Variants in BIRC6 observed in about 807,000 individuals in gnomAD.
BIRC6 encodes the protein dual E2 ubiquitin-conjugating enzyme/E3 ubiquitin-protein ligase BIRC6.
In BIRC6, 98 loss-of-function variants were observed where a neutral mutation model predicts 503.3. That is an observed-to-expected ratio of 0.19 (90% CI 0.17 to 0.23). BIRC6 has a LOEUF of 0.23. Among genes scored for constraint, BIRC6 ranks in the 10% least tolerant of loss-of-function variants. The pLI is 1.00. For synonymous variants in BIRC6, 2,240 were observed against 2,078.7 expected, an observed-to-expected ratio of 1.08 and a Z score of -2.11; for missense variants, 5,360 against 5,806.0, an observed-to-expected ratio of 0.92 and a Z score of 2.50.
chr2:32,499,416 T>G (rs1384743215), intron 45 of BIRC6, 131 bp from the exon 46 acceptor site: 2 of 780,120 alleles, frequency 2.6e-6, no homozygotes, highest in African/African-American at 1.7e-5. Flanking sequence ...ATCAAGAATT[T>G]GTTTAACTTT....
At chr2:32,611,108 C>CTTTTTTTTTTTTTTTTTTTTTTT (rs1245765148) in intron 72 of BIRC6, among the ~76,000 whole-genome samples, 15 of 126,168 alleles carry the variant, frequency 1.2e-4, no homozygotes, top group Admixed American at 7.5e-4. Flanking sequence ...ATTAAATTGC[C>CTTTTTTTTTTTTTTTTTTTTTTT]TTTTTTTTTT....
At chr2:32,365,730 T>A (rs2034829180) in intron 1 of BIRC6, among the ~76,000 whole-genome samples, 1 of 152,114 alleles carries the variant, frequency 6.6e-6, no homozygotes, top group Admixed American at 6.6e-5. Context: ...TTCCCATATT[T>A]TAAAGTACAA....
At chr2:32,465,917 C>G (rs532236745) in intron 26 of BIRC6, among the ~76,000 whole-genome samples, 1 of 149,602 alleles carries the variant, frequency 6.7e-6, no homozygotes, top group East Asian at 2.0e-4. Flanking sequence ...TATTTTCTGC[C>G]CAACTAATCA....
chr2:32,470,438 G>T lies in BIRC6; in HGVS notation c.6481+137G>T, dbSNP rs946369413. ...TTTTATGATGTAAGCTTTTAAGAATGAGCAACCCTCATGTGATTGACTGCC... is the reference window on the plus strand; with the variant it reads ...TTTTATGATGTAAGCTTTTAAGAATTAGCAACCCTCATGTGATTGACTGCC... On this transcript the variant is annotated intron_variant, in intron 31 of 73. Coordinates refer to ENST00000421745, the MANE Select transcript of BIRC6 (RefSeq NM_016252.4). 1.5e-5 allele frequency: 13 copies of T among 854,112 alleles called. No homozygotes were observed. The Admixed American group carries it at 3.4e-4, about 22-fold the overall frequency. The allele number at this position is 854,112 out of a possible 1,614,324, so 52.9% of individuals were successfully genotyped here. A position where few individuals can be genotyped will look rare whatever the true frequency, so the allele number is the denominator to read the frequency against.
rs763281926 is a variant in BIRC6 at position 32,464,571 on chromosome 2, A to T, written c.5004A>T (p.Ala1668=). 2.7e-5 allele frequency: 44 copies of T among 1,609,892 alleles called. No homozygotes were observed. In the Middle Eastern group the frequency reaches 8.3e-4, roughly 30 times the overall value. ...CTGCAGCAGCTGCAGCAGCATCAGC[A>T]GTAGGTCCTGTTCACAACTCTGTGC... ...TTAAAAAAAS[A]VGPVHNSVPS... is the part of the protein sequence containing the mutation. Residue 1668 remains alanine (A), a synonymous_variant, in exon 25 of 74, where the codon GCA becomes GCT. Coordinates refer to ENST00000421745, the MANE Select transcript of BIRC6 (RefSeq NM_016252.4).
At position 32,558,253 on chromosome 2, in the gene BIRC6, T is replaced by A. The variant is rs745444226; in HGVS notation, c.13144+8772T>A. On this transcript the variant is annotated intron_variant, in intron 65 of 73. Coordinates refer to ENST00000421745, the MANE Select transcript of BIRC6 (RefSeq NM_016252.4). ...GCCATTTACGTATTCTGTATTTACT[T>A]AGATACTTAAAAATTTTTACGTATC... Among the ~76,000 whole-genome samples the A allele has an allele frequency of 9.0e-3, 1,367 of 152,338 alleles. 10 individuals carry two copies. Among genetic ancestry groups the A allele is most frequent in the Middle Eastern group, 0.02 (6 of 294 alleles).
intron 72 of BIRC6, among the ~76,000 whole-genome samples, chr2:32,608,451 G>C (rs779483606): frequency 6.7e-6 from 1 of 149,590 alleles, no homozygotes; most frequent in African/African-American, 2.5e-5. Context: ...TTTCGTTCTC[G>C]TTGCCCAGGC....
In BIRC6 at chr2:32,477,445, A is replaced by G; in HGVS notation, c.6930A>G (p.Ala2310=). The G allele has an allele frequency of 3.7e-6, 6 of 1,614,040 alleles. No individual in the cohort carries two copies. Among genetic ancestry groups the G allele is most frequent in the Non-Finnish European group, 5.1e-6 (6 of 1,179,892 alleles). The change falls in exon 35 of 74, where the codon GCA becomes GCG. Residue 2310 remains alanine, a synonymous_variant. Coordinates refer to ENST00000421745, the MANE Select transcript of BIRC6 (RefSeq NM_016252.4). ...ATTTAGACACAGAAGTTACAACAGC[A>G]AAAGAAAGTCCTGAGATAGAACCAC... ...RSNLDTEVTT[A]KESPEIEPLP...
At chr2:32,496,034 G>A (rs992124355) in intron 45 of BIRC6, among the ~76,000 whole-genome samples, 9 of 151,772 alleles carry the variant, frequency 5.9e-5, no homozygotes, top group African/African-American at 1.9e-4. Flanking sequence ...GTAGAGACGG[G>A]GTTTCACCGT....
intron 61 of BIRC6, among the ~76,000 whole-genome samples, chr2:32,537,085 T>C (rs149280368): frequency 1.4e-3 from 220 of 152,316 alleles, no homozygotes; most frequent in African/African-American, 4.5e-3. Flanking sequence ...TGTATAAGAA[T>C]GCGTGTGATT....
rs772604641 is a variant in BIRC6 at position 32,593,987 on chromosome 2, T to C, written c.13428T>C (p.Leu4476=). The change falls in exon 67 of 74, where the codon CTT becomes CTC. Residue 4476 remains leucine, a synonymous_variant. Transcript: ENST00000421745. ...ATCAAGAACCAGAAGGACTTACTCT[T>C]TTGGTACCAGACATCCAAAAGACTG... ...ASDQEPEGLT[L]LVPDIQKTAE... The C allele has an allele frequency of 2.5e-6, 4 of 1,613,560 alleles. No individual in the cohort carries two copies. The highest frequency in any genetic ancestry group is 3.4e-6 in the Non-Finnish European group (4 of 1,179,696).
At chr2:32,416,737 A>T (rs2042410657) in intron 10 of BIRC6, among the ~76,000 whole-genome samples, 1 of 151,994 alleles carries the variant, frequency 6.6e-6, no homozygotes. Flanking sequence ...GATAGTGTGC[A>T]GTTATTTTTT....
In BIRC6 at chr2:32,515,064, C is replaced by T. The variant is rs138514147; in HGVS notation, c.10643C>T (p.Ser3548Leu). The T allele has an allele frequency of 7.4e-6, 12 of 1,613,814 alleles. No homozygotes were observed. The highest frequency in any genetic ancestry group is 1.6e-4 in the Middle Eastern group (1 of 6,084). ...LKKAVDSLLC[S>L]MCHVHPNYFS... ...AAAGCTGTTGACAGTCTACTTTGCT[C>T]AATGTGTCACGTACACCCAAACTAT... is the stretch of plus-strand genomic sequence containing the variant. Residue 3548 changes from serine to leucine, a missense_variant, in exon 55 of 74, where the codon TCA becomes TTA. Physicochemically the swap from Ser to Leu is moderately radical, Grantham distance 145. Transcript: ENST00000421745.
intron 23 of BIRC6, 80 bp from the exon 24 acceptor site, chr2:32,463,114 T>C (rs1412671990): frequency 1.6e-6 from 2 of 1,221,276 alleles, no homozygotes; most frequent in Non-Finnish European, 1.1e-6. Context: ...AGTGCCAAAA[T>C]ATTTGAACAT....
chr2:32,544,491 CTT>C (rs56694490), intron 62 of BIRC6, among the ~76,000 whole-genome samples: 2 of 134,890 alleles, frequency 1.5e-5, no homozygotes, highest in African/African-American at 2.7e-5. Context: ...CTTTCTTCTT[CTT>C]TTTTTTTTTT....
intron 1 of BIRC6, among the ~76,000 whole-genome samples, chr2:32,365,892 A>G (rs907262469): frequency 1.3e-5 from 2 of 151,382 alleles, no homozygotes; most frequent in Non-Finnish European, 2.9e-5. Context: ...ATTTAATTTA[A>G]TTTATTTTTT....
chr2:32,434,467 A>G (rs932235869), intron 13 of BIRC6, among the ~76,000 whole-genome samples: 4 of 152,110 alleles, frequency 2.6e-5, no homozygotes, highest in African/African-American at 9.7e-5. Flanking sequence ...GAGTCAACCA[A>G]CCTCAGAAAC....
chr2:32,519,366 T>C (rs1371276751), intron 57 of BIRC6: 1 of 170,928 alleles, frequency 5.9e-6, no homozygotes, highest in African/African-American at 2.4e-5. Flanking sequence ...GGTCACCTCA[T>C]TGTTTATCGT....
intron 16 of BIRC6, 41 bp from the exon 17 acceptor site, chr2:32,441,288 T>C (rs1230805579): frequency 7.6e-6 from 10 of 1,317,694 alleles, no homozygotes; most frequent in Non-Finnish European, 1.0e-5. Context: ...ATTTTTAGTT[T>C]AGTTTATTTT....
Sources: gnomAD v4.1 joint callset for allele counts (sites outside exome capture counted in the v4.1 genomes callset) on GRCh38, gnomAD v4.1.1 for gene constraint, MANE v1.5 for transcripts, NCBI Gene and HGNC (gene_info 2026-07-23, HGNC 2026-07-21) for gene names.